L3HYPDH: variants seen among roughly 807,000 people sequenced by gnomAD.
L3HYPDH encodes trans-L-3-hydroxyproline dehydratase, also known as trans-3-hydroxy-L-proline dehydratase.
Under a neutral mutation model 26.5 loss-of-function variants are expected in L3HYPDH, and 32 were observed. The ratio of observed to expected loss-of-function variants is 1.21; its 90% CI spans 0.91 to 1.62. L3HYPDH has a LOEUF of 1.62. L3HYPDH is among the 40% of genes most tolerant of loss of function. L3HYPDH has a pLI of 0.00. For synonymous variants in L3HYPDH, 215 were observed against 196.6 expected, an observed-to-expected ratio of 1.09 and a Z score of -0.78; for missense variants, 554 against 476.4, an observed-to-expected ratio of 1.16 and a Z score of -1.52.
chr14:59,479,623 G>C (rs972269549), intron 1 of L3HYPDH, among the ~76,000 whole-genome samples: 4 of 152,076 alleles, frequency 2.6e-5, no homozygotes, highest in Non-Finnish European at 2.9e-5. Flanking sequence ...TAACTTCCCT[G>C]AGGATCTTTT....
chr14:59,484,243 A>G lies in L3HYPDH; in HGVS notation c.74T>C (p.Met25Thr). The G allele has an allele frequency of 6.3e-7, 1 of 1,598,190 alleles. No individual in the cohort carries two copies. The highest frequency in any genetic ancestry group is 8.5e-7 in the Non-Finnish European group (1 of 1,179,678). The part of the protein sequence containing the change: ...PGTPVLSVVD[M>T]HTGGEPLRIV... Reference sequence around the variant, plus strand: ...ACGCAAGGGCTCGCCGCCCGTGTGCATGTCCACCACCGACAGCACCGGCGT... The same window carrying G: ...ACGCAAGGGCTCGCCGCCCGTGTGCGTGTCCACCACCGACAGCACCGGCGT... The change falls in exon 1 of 5, where the codon ATG becomes ACG. Residue 25 changes from methionine (M) to threonine (T), a missense_variant. Met to Thr is a moderately conservative substitution (Grantham distance 81). Transcript: ENST00000247194.
the L3HYPDH span, among the ~76,000 whole-genome samples, chr14:59,494,327 TAA>T: frequency 6.6e-6 from 1 of 152,100 alleles, no homozygotes; most frequent in Non-Finnish European, 1.5e-5. Flanking sequence ...ACAGAATGGA[TAA>T]ACAAATCACA....
rs45554834 is a variant in L3HYPDH, at chr14:59,484,402, G to C, written c.-86C>G. On this transcript the variant is annotated 5_prime_UTR_variant, in exon 1 of 5. Transcript: ENST00000247194. ...CCACTGACTCCGCGGGAGGAGGGCGGGACGCTAACCAGCCACGTCCGGGGG... is the reference window on the plus strand; with the variant it reads ...CCACTGACTCCGCGGGAGGAGGGCGCGACGCTAACCAGCCACGTCCGGGGG... 21 of 1,445,500 alleles carry C rather than the reference G, an allele frequency of 1.5e-5. No homozygotes were observed. Among genetic ancestry groups the C allele is most frequent in the Non-Finnish European group, 2.0e-5 (21 of 1,066,986 alleles). The allele number at this position is 1,445,500 out of a possible 1,614,324, so 89.5% of individuals were successfully genotyped here.
downstream of L3HYPDH, among the ~76,000 whole-genome samples, chr14:59,472,086 G>C (rs1358395790): frequency 6.6e-6 from 1 of 152,160 alleles, no homozygotes; most frequent in African/African-American, 2.4e-5. Context: ...TCTCACAAAA[G>C]ACTCTACTGA....
chr14:59,502,764 T>TTTGTTTTG, the L3HYPDH span, among the ~76,000 whole-genome samples: 2 of 130,472 alleles, frequency 1.5e-5, no homozygotes, highest in African/African-American at 3.2e-5. Flanking sequence ...TTTTTTTTTT[T>TTTGTTTTG]TTTTTTTTTC....
the L3HYPDH span, among the ~76,000 whole-genome samples, chr14:59,502,755 T>TGTTTTTTTTTCTTTGTTTTTGTGTTTTG: frequency 2.4e-5 from 3 of 122,918 alleles, no homozygotes; most frequent in Admixed American, 8.8e-5. Context: ...ATGAGATTTT[T>TGTTTTTTTTTCTTTGTTTTTGTGTTTTG]TTTTTTTTTT....
chr14:59,474,422 T>C (rs1024053595), intron 4 of L3HYPDH: 2 of 663,282 alleles, frequency 3.0e-6, no homozygotes, highest in East Asian at 2.8e-5. Context: ...TTCTAATAAA[T>C]GCATCTACTT....
chr14:59,481,363 C>T (rs1890006958), intron 1 of L3HYPDH, among the ~76,000 whole-genome samples: 1 of 152,142 alleles, frequency 6.6e-6, no homozygotes, highest in Non-Finnish European at 1.5e-5. Context: ...TACTACAGCC[C>T]TGAGAGGTAG....
At chr14:59,503,988 A>G in the L3HYPDH span, 4 of 1,613,816 alleles carry the variant, frequency 2.5e-6, no homozygotes, top group South Asian at 2.2e-5. Flanking sequence ...TGGCTTTGGT[A>G]CCTACACCAG....
Position 59,484,051 on chromosome 14 carries a change from T to C in L3HYPDH, c.266A>G (p.His89Arg). Residue 89 changes from histidine to arginine, a missense_variant, in exon 1 of 5, where the codon CAT (histidine) becomes CGT (arginine). Transcript: ENST00000247194. ...GTTGTGCAGGAACAGGACGCCCAGA[T>C]GCGCGTCCGGCAGCTCGCTCGGGAC... The part of the protein sequence containing the change: ...VLVPSELPDA[H>R]LGVLFLHNEG... 1.9e-6 allele frequency: 3 copies of C among 1,606,834 alleles called. No homozygotes were observed. Among genetic ancestry groups the C allele is most frequent in the Non-Finnish European group, 2.5e-6 (3 of 1,179,554 alleles).
intron 2 of L3HYPDH, chr14:59,478,739 G>A (rs1318589066): frequency 1.3e-5 from 2 of 153,596 alleles, no homozygotes; most frequent in Admixed American, 1.3e-4. Flanking sequence ...GGCATATGGA[G>A]GTTACGTAAC....
chr14:59,501,647 A>G, the L3HYPDH span, among the ~76,000 whole-genome samples: 1 of 152,216 alleles, frequency 6.6e-6, no homozygotes, highest in South Asian at 2.1e-4. Flanking sequence ...TACAATGGCA[A>G]CATTAATAGT....
In L3HYPDH at chr14:59,475,983, T is replaced by C; in HGVS notation, c.825A>G (p.Ser275=). 1 of 1,614,018 alleles carries C rather than the reference T, an allele frequency of 6.2e-7. No homozygotes were observed. Among genetic ancestry groups the C allele is most frequent in the Non-Finnish European group, 8.5e-7 (1 of 1,179,890 alleles). The change falls in exon 4 of 5, where the codon TCA becomes TCG. Residue 275 remains serine (S), a synonymous_variant. Coordinates refer to ENST00000247194, the MANE Select transcript of L3HYPDH (RefSeq NM_144581.2). ...DEQVDRSPTG[S]GVTARIALQY... is the part of the protein sequence containing the mutation. ...GTAAGGCAATTCGGGCTGTCACTCC[T>C]GAGCCAGTGGGACTTCTGTCAACCT... is the stretch of plus-strand genomic sequence containing the variant.
the L3HYPDH span, among the ~76,000 whole-genome samples, chr14:59,500,368 T>A: frequency 1.3e-5 from 2 of 152,224 alleles, no homozygotes; most frequent in Non-Finnish European, 2.9e-5. Context: ...CATTTACAAA[T>A]AATGTATGAA....
chr14:59,484,653 G>A (rs1172456777), upstream of L3HYPDH: 3 of 1,550,672 alleles, frequency 1.9e-6, no homozygotes, highest in Admixed American at 1.9e-5. Flanking sequence ...TTTCCTACAC[G>A]GCTGGCCTCG....
intron 1 of L3HYPDH, among the ~76,000 whole-genome samples, chr14:59,480,094 T>C: frequency 6.6e-6 from 1 of 152,112 alleles, no homozygotes; most frequent in South Asian, 2.1e-4. Flanking sequence ...TTAAGCTAGC[T>C]TGGTGATCAC....
At position 59,472,682 on chromosome 14, in the gene L3HYPDH, T is replaced by C; in HGVS notation, c.*283A>G. On this transcript the variant is annotated 3_prime_UTR_variant, in exon 5 of 5. Coordinates refer to ENST00000247194, the MANE Select transcript of L3HYPDH (RefSeq NM_144581.2). ...ATTAATAGTAATTACTATAGAGCAA[T>C]ATTTTAAAAGTAACTACTGTTTTAA... 3.9e-6 allele frequency: 1 copy of C among 256,970 alleles called. No individual in the cohort carries two copies. The highest frequency in any genetic ancestry group is 7.3e-6 in the Non-Finnish European group (1 of 137,832). The allele number at this position is 256,970 out of a possible 1,614,324, so 15.9% of individuals were successfully genotyped here. A position where few individuals can be genotyped will look rare whatever the true frequency, so the allele number is the denominator to read the frequency against.
At chr14:59,490,294 G>A in the L3HYPDH span, among the ~76,000 whole-genome samples, 1 of 152,184 alleles carries the variant, frequency 6.6e-6, no homozygotes, top group East Asian at 1.9e-4. Flanking sequence ...TGTGAGCACA[G>A]CTCCAAGTCA....
chr14:59,469,469 C>T (rs964685897), downstream of L3HYPDH, among the ~76,000 whole-genome samples: 1 of 145,940 alleles, frequency 6.9e-6, no homozygotes, highest in South Asian at 2.2e-4. Flanking sequence ...GCAGGAGAAT[C>T]GCTTGAACCC....
Sources: gnomAD v4.1 joint callset for allele counts (sites outside exome capture counted in the v4.1 genomes callset) on GRCh38, gnomAD v4.1.1 for gene constraint, MANE v1.5 for transcripts, NCBI Gene and HGNC (gene_info 2026-07-23, HGNC 2026-07-21) for gene names.